Variants in IFT74 observed in about 807,000 individuals in gnomAD.
IFT74 encodes the protein intraflagellar transport protein 74 homolog.
IFT74 carries 92 observed loss-of-function variants against 96.7 expected under a neutral mutation model. The observed-to-expected ratio is 0.95, with a 90% CI of 0.80 to 1.13. IFT74 has a LOEUF of 1.13. Ranked by LOEUF, IFT74 falls within the 50% of genes most tolerant of loss-of-function variation. IFT74 has a pLI of 0.00. For synonymous variants in IFT74, 223 were observed against 213.2 expected (o/e 1.05, Z -0.40); for missense variants, 811 against 698.2 (o/e 1.16, Z -1.82).
At chr9:27,036,461 T>A (rs1416832635) in intron 13 of IFT74, 1 of 1,613,710 alleles carries the variant, frequency 6.2e-7, no homozygotes, top group Non-Finnish European at 8.5e-7. Flanking sequence ...TCCTACCAAC[T>A]ATGGATGGAA....
chr9:27,002,489 G>A (rs1290018406), intron 8 of IFT74, among the ~76,000 whole-genome samples: 1 of 152,128 alleles, frequency 6.6e-6, no homozygotes, highest in Non-Finnish European at 1.5e-5. Flanking sequence ...TAGGGGTCTG[G>A]TTTCATTTTT....
chr9:26,967,448 A>G (rs2131496981), intron 2 of IFT74, among the ~76,000 whole-genome samples: 1 of 152,090 alleles, frequency 6.6e-6, no homozygotes, highest in African/African-American at 2.4e-5. Context: ...AATTTTTCTG[A>G]GTTTTACTGA....
intron 13 of IFT74, among the ~76,000 whole-genome samples, chr9:27,039,748 A>G (rs777972337): frequency 6.6e-6 from 1 of 152,126 alleles, no homozygotes; most frequent in Non-Finnish European, 1.5e-5. Context: ...TATGTAGGTT[A>G]TATGCAAATA....
At chr9:27,034,640 T>C (rs992325652) in intron 13 of IFT74, among the ~76,000 whole-genome samples, 3 of 152,218 alleles carry the variant, frequency 2.0e-5, no homozygotes, top group Non-Finnish European at 4.4e-5. Flanking sequence ...ACAATTCTCC[T>C]ACCTCAGCCT....
chr9:26,980,650 T>A lies in IFT74; in HGVS notation c.305+31T>A, dbSNP rs374235322. The A allele has an allele frequency of 4.3e-6, 6 of 1,407,956 alleles. No individual in the cohort carries two copies. The African/African-American group carries it at 7.1e-5, about 17-fold the overall frequency. 87.2% of individuals were successfully genotyped at this position (1,407,956 alleles called of 1,614,324 possible). A position where few individuals can be genotyped will look rare whatever the true frequency, so the allele number is the denominator to read the frequency against. The stretch of plus-strand genomic sequence containing the variant: ...TTAAACATATCTTTTCATCCGTATG[T>A]TTTACTCGAAATATTGTGTACCTTC... On this transcript the variant is annotated intron_variant, in intron 4 of 19. Transcript: ENST00000380062.
At chr9:27,051,382 A>T (rs1466753216) in intron 16 of IFT74, among the ~76,000 whole-genome samples, 1 of 152,044 alleles carries the variant, frequency 6.6e-6, no homozygotes, top group African/African-American at 2.4e-5. Flanking sequence ...TACATTCTTG[A>T]TATATAACTA....
rs1828275127 is a variant in IFT74 at position 26,998,234 on chromosome 9, TG to T, written c.587+8041del. The T allele has an allele frequency of 6.2e-6, 9 of 1,452,996 alleles. No individual in the cohort carries two copies. In the African/African-American group the frequency reaches 1.3e-4, roughly 21 times the overall value. 90.0% of individuals were successfully genotyped at this position (1,452,996 alleles called of 1,614,324 possible). A position where few individuals can be genotyped will look rare whatever the true frequency, so the allele number is the denominator to read the frequency against. On this transcript the variant is annotated intron_variant, in intron 8 of 19. Coordinates refer to ENST00000380062, the MANE Select transcript of IFT74 (RefSeq NM_025103.4). The stretch of plus-strand genomic sequence containing the variant: ...ATAATTTTTTTCAGTAAAATTACAT[TG>T]GACTTCCTAGAAAAACAAAAAAAAG...
chr9:26,988,697 A>G lies in IFT74; in HGVS notation c.494A>G (p.Glu165Gly). The G allele has an allele frequency of 6.5e-7, 1 of 1,544,786 alleles. No homozygotes were observed. The highest frequency in any genetic ancestry group is 8.8e-7 in the Non-Finnish European group (1 of 1,132,800). The change falls in exon 7 of 20, where the codon GAA becomes GGA. Residue 165 changes from glutamate to glycine, a missense_variant. By Grantham distance (98) the Glu-to-Gly change is moderately conservative. Transcript: ENST00000380062. The stretch of plus-strand genomic sequence containing the variant: ...GTAGATAAACTTAATACCAACACTG[A>G]AATGGAAGAAGTAATGAATGATTAC... Reference protein sequence around the residue: ...MLVDKLNTNTEMEEVMNDYNM... With the variant: ...MLVDKLNTNTGMEEVMNDYNM...
chr9:26,968,364 C>A (rs546981897), intron 2 of IFT74, among the ~76,000 whole-genome samples: 4 of 151,938 alleles, frequency 2.6e-5, no homozygotes, highest in Admixed American at 1.3e-4. Context: ...CGGGTTCAAG[C>A]GATTCTCCTT....
At chr9:27,060,491 A>G in intron 18 of IFT74, 100 bp from the exon 19 acceptor site, 1 of 643,558 alleles carries the variant, frequency 1.6e-6, no homozygotes, top group Non-Finnish European at 2.6e-6. Flanking sequence ...AGTTGATAAG[A>G]TTTAAAGTTG....
intron 1 of IFT74, chr9:26,947,242 T>G (rs991161290): frequency 1.2e-5 from 7 of 578,094 alleles, no homozygotes; most frequent in Non-Finnish European, 2.1e-5. Context: ...ACAGCAAGCC[T>G]GACAGGCACT....
At chr9:27,062,534 T>C (rs776430712) in intron 19 of IFT74, 84 bp from the exon 20 acceptor site, 54 of 711,986 alleles carry the variant, frequency 7.6e-5, no homozygotes, top group Non-Finnish European at 1.2e-4. Context: ...ATCTTCAGTA[T>C]GAAAAATGTC....
At chr9:26,954,275 G>A (rs1340138957), upstream of IFT74, among the ~76,000 whole-genome samples, 1 of 152,160 alleles carries the variant, frequency 6.6e-6, no homozygotes, top group African/African-American at 2.4e-5. Flanking sequence ...AACTTAAAAC[G>A]GAATCACAAG....
chr9:27,047,200 A>C, intron 14 of IFT74, 74 bp from the exon 15 acceptor site: 1 of 878,922 alleles, frequency 1.1e-6, no homozygotes, highest in Admixed American at 2.5e-5. Context: ...AAGCACTCTT[A>C]AGAACTGCAA....
intron 1 of IFT74, among the ~76,000 whole-genome samples, chr9:26,948,937 A>G (rs1024441607): frequency 6.6e-6 from 1 of 151,148 alleles, no homozygotes; most frequent in Admixed American, 6.6e-5. Flanking sequence ...CTCTTTGTAC[A>G]TGCATTTTTT....
chr9:26,999,845 C>T (rs1263193196), intron 8 of IFT74: 2 of 548,370 alleles, frequency 3.6e-6, no homozygotes, highest in East Asian at 3.0e-5. Flanking sequence ...GGTCACAGCT[C>T]ACTGCAGCCT....
In IFT74 at chr9:26,980,619, G is replaced by C; in HGVS notation, c.305G>C (p.Arg102Thr). 1 of 1,586,022 alleles carries C rather than the reference G, an allele frequency of 6.3e-7. No homozygotes were observed. The highest frequency in any genetic ancestry group is 8.7e-7 in the Non-Finnish European group (1 of 1,155,642). Residue 102 changes from arginine to threonine, a missense_variant and splice_region_variant, in exon 4 of 20, where the codon AGA (arginine) becomes ACA (threonine). Coordinates refer to ENST00000380062, the MANE Select transcript of IFT74 (RefSeq NM_025103.4). ...AAATCTTACTATCTTGGGCTTCTTAGGTATGTTAAACATATCTTTTCATCC... is the reference window on the plus strand; with the variant it reads ...AAATCTTACTATCTTGGGCTTCTTACGTATGTTAAACATATCTTTTCATCC... The part of the protein sequence containing the change: ...LDKSYYLGLL[R>T]SKISELTTEV...
chr9:26,962,132 A>C (rs1329791804), intron 2 of IFT74, 45 bp downstream of exon 2: 1 of 1,602,364 alleles, frequency 6.2e-7, no homozygotes, highest in Non-Finnish European at 8.5e-7. Flanking sequence ...CCAAGGTGGG[A>C]GGACCACTTG....
intron 10 of IFT74, among the ~76,000 whole-genome samples, chr9:27,012,708 GTT>G (rs772920018): frequency 8.2e-4 from 44 of 53,860 alleles, no homozygotes; most frequent in East Asian, 2.5e-3. Context: ...AAAAATGTCT[GTT>G]TTTTTTTTTT....
Sources: allele counts gnomAD v4.1 joint callset (sites outside exome capture counted in the v4.1 genomes callset), GRCh38; gene constraint gnomAD v4.1.1; transcripts MANE v1.5; gene names NCBI Gene and HGNC (gene_info 2026-07-23, HGNC 2026-07-21).